RPAP1: variants seen among roughly 807,000 people sequenced by gnomAD.
The protein encoded by RPAP1 is RNA polymerase II associated protein 1.
In RPAP1, 109 loss-of-function variants were observed where a neutral mutation model predicts 142.4. The observed-to-expected ratio is 0.77, with a 90% CI of 0.66 to 0.90. The LOEUF (loss-of-function observed/expected upper bound fraction) is 0.90. Ranked by LOEUF, RPAP1 falls within the 40% of genes least tolerant of loss-of-function variation. RPAP1 has a pLI of 0.00. For missense variants in RPAP1, 1,546 were observed against 1,751.7 expected, an observed-to-expected ratio of 0.88 and a Z score of 2.10; for synonymous variants, 704 against 738.9, an observed-to-expected ratio of 0.95 and a Z score of 0.77.
In RPAP1 at chr15:41,522,841, G is replaced by A; in HGVS notation, c.2666C>T (p.Ser889Leu). The A allele has an allele frequency of 6.3e-7, 1 of 1,587,384 alleles. No homozygotes were observed. The highest frequency in any genetic ancestry group is 8.5e-7 in the Non-Finnish European group (1 of 1,171,600). ...GAGGGCAGTGAGGAATGGGAAGGGT[G>A]AGGCTGAGCCAGCCAGACTGAGACG... ...CPRLSLAGSA[S>L]PFPFLTALLS... Residue 889 changes from serine to leucine, a missense_variant, in exon 19 of 25, where the codon TCA becomes TTA. Coordinates refer to ENST00000304330, the MANE Select transcript of RPAP1 (RefSeq NM_015540.4).
Position 41,520,919 on chromosome 15 carries a change from C to CAGT in RPAP1, c.3264_3266dup (p.Leu1089dup). ...GCAGCAGCGGCTCCGTAGGCATGGGCAGTAGCAGGGTTGGGACTCGCTGTA... is the reference window on the plus strand; with the variant it reads ...GCAGCAGCGGCTCCGTAGGCATGGGCAGTAGTAGCAGGGTTGGGACTCGCTGTA... On this transcript the variant is annotated inframe_insertion, in exon 22 of 25. Transcript: ENST00000304330. 1 of 1,613,236 alleles carries CAGT rather than the reference C, an allele frequency of 6.2e-7. No homozygotes were observed. Among genetic ancestry groups the CAGT allele is most frequent in the Non-Finnish European group, 8.5e-7 (1 of 1,179,764 alleles).
chr15:41,541,822 G>A (rs1189721505), intron 1 of RPAP1, among the ~76,000 whole-genome samples: 1 of 152,176 alleles, frequency 6.6e-6, no homozygotes, highest in East Asian at 1.9e-4. Flanking sequence ...ACTCCAGCCT[G>A]GGGGACAGAG....
In RPAP1 at chr15:41,527,618, C is replaced by T. The variant is rs1024279047; in HGVS notation, c.1429-13G>A. On this transcript the variant is annotated splice_polypyrimidine_tract_variant and intron_variant, in intron 11 of 24. Transcript: ENST00000304330. ...TGTCGAGGAGCTCCTGCCAGAGGAA[C>T]GGGAGTTGGGGGGCAATGCTGAAGG... 5.0e-5 allele frequency: 80 copies of T among 1,605,840 alleles called. No individual in the cohort carries two copies. Among genetic ancestry groups the T allele is most frequent in the African/African-American group, 6.7e-5 (5 of 74,442 alleles).
Position 41,536,128 on chromosome 15 carries a change from C to A in RPAP1, c.420+1G>T, listed in dbSNP as rs755151084. 1.2e-6 allele frequency: 2 copies of A among 1,613,508 alleles called. No homozygotes were observed. Among genetic ancestry groups the A allele is most frequent in the South Asian group, 2.2e-5 (2 of 91,062 alleles). The stretch of plus-strand genomic sequence containing the variant: ...CACCACCTAAGCTTACCCTTGCCTA[C>A]CTGTGTGTCCCGCGAGCGAAGGAAC... On this transcript the variant is annotated splice_donor_variant, in intron 4 of 24. Coordinates refer to ENST00000304330, the MANE Select transcript of RPAP1 (RefSeq NM_015540.4). LOFTEE classifies it high-confidence loss of function.
chr15:41,522,848 A>G lies in RPAP1; in HGVS notation c.2659T>C (p.Ser887Pro). Residue 887 changes from serine to proline, a missense_variant, in exon 19 of 25, where the codon TCA becomes CCA. By Grantham distance (74) the Ser-to-Pro change is moderately conservative (BLOSUM62 -1). Transcript: ENST00000304330. ...GTGAGGAATGGGAAGGGTGAGGCTG[A>G]GCCAGCCAGACTGAGACGGGGGCAG... The part of the protein sequence containing the change: ...GGCPRLSLAG[S>P]ASPFPFLTAL... 1.3e-6 allele frequency: 2 copies of G among 1,584,596 alleles called. No individual in the cohort carries two copies. The highest frequency in any genetic ancestry group is 1.4e-5 in the African/African-American group (1 of 72,828).
Position 41,522,167 on chromosome 15 carries a change from A to T in RPAP1, c.2826T>A (p.Pro942=). Residue 942 remains proline, a synonymous_variant, in exon 20 of 25, where the codon CCT becomes CCA. Transcript: ENST00000304330. ...CATGGCGCAGGGCCCATGCAGAGAAAGGTGTGAGGTGTGGGGCAGCCCCAG... is the reference window on the plus strand; with the variant it reads ...CATGGCGCAGGGCCCATGCAGAGAATGGTGTGAGGTGTGGGGCAGCCCCAG... ...VAPGAAPHLT[P]FSAWALRHEY... 1 of 1,614,030 alleles carries T rather than the reference A, an allele frequency of 6.2e-7. No homozygotes were observed. Among genetic ancestry groups the T allele is most frequent in the Non-Finnish European group, 8.5e-7 (1 of 1,180,000 alleles).
intron 1 of RPAP1, among the ~76,000 whole-genome samples, chr15:41,538,640 A>T (rs1484410385): frequency 6.6e-6 from 1 of 152,162 alleles, no homozygotes; most frequent in Non-Finnish European, 1.5e-5. Flanking sequence ...TAAACTTGTG[A>T]TTTGTTATAA....
chr15:41,531,004 AC>A lies in RPAP1; in HGVS notation c.943+18del. 2 of 1,593,256 alleles carry A rather than the reference AC, an allele frequency of 1.3e-6. No individual in the cohort carries two copies. The highest frequency in any genetic ancestry group is 2.3e-5 in the East Asian group (1 of 44,342). On this transcript the variant is annotated intron_variant, in intron 7 of 24. Coordinates refer to ENST00000304330, the MANE Select transcript of RPAP1 (RefSeq NM_015540.4). ...CCCTACTTTTATCCACCAAAATATG[AC>A]CCCCGCCTCCTGCAAACCTGGGGCT...
chr15:41,536,305 T>C lies in RPAP1; in HGVS notation c.331-87A>G, dbSNP rs1806750120. On this transcript the variant is annotated intron_variant, in intron 3 of 24. Transcript: ENST00000304330. The stretch of plus-strand genomic sequence containing the variant: ...ATCCTATTAGCCCAGTTCTGAACGA[T>C]GAGAACCTCACTCTGGGGGGTTACG... The C allele has an allele frequency of 1.3e-5, 18 of 1,393,406 alleles. 1 individual carries two copies. The South Asian group carries it at 1.3e-4, about 10-fold the overall frequency. 86.3% of individuals were successfully genotyped at this position (1,393,406 alleles called of 1,614,324 possible).
intron 1 of RPAP1, among the ~76,000 whole-genome samples, chr15:41,538,661 A>G (rs1204388441): frequency 6.6e-6 from 1 of 152,238 alleles, no homozygotes; most frequent in Non-Finnish European, 1.5e-5. Flanking sequence ...TGTTAGATTT[A>G]CAGATTTATA....
At position 41,527,272 on chromosome 15, in the gene RPAP1, C is replaced by T. The variant is rs2051802358; in HGVS notation, c.1641G>A (p.Arg547=). 6.2e-7 allele frequency: 1 copy of T among 1,614,100 alleles called. No individual in the cohort carries two copies. Among genetic ancestry groups the T allele is most frequent in the African/African-American group, 1.3e-5 (1 of 74,936 alleles). The change falls in exon 13 of 25, where the codon CGG becomes CGA. Residue 547 remains arginine, a synonymous_variant. Transcript: ENST00000304330. Reference sequence around the variant, plus strand: ...ATGTCACCTCCAGCACGTAGCGCAGCCGAGGCAGCAGGCTGGTAGCCAGGA... The same window carrying T: ...ATGTCACCTCCAGCACGTAGCGCAGTCGAGGCAGCAGGCTGGTAGCCAGGA... ...KGLLATSLLP[R]LRYVLEVTYP...
intron 14 of RPAP1, among the ~76,000 whole-genome samples, chr15:41,525,632 CA>C (rs1418334525): frequency 2.0e-5 from 3 of 150,730 alleles, no homozygotes; most frequent in African/African-American, 2.4e-5. Context: ...CCACCGCACC[CA>C]GCCCCTATTA....
chr15:41,523,302 T>G lies in RPAP1; in HGVS notation c.2489A>C (p.Glu830Ala), dbSNP rs759346483. ...WLQDMQRLSE[E>A]LLLPLLSQPT... The stretch of plus-strand genomic sequence containing the variant: ...CTGACTCAGCAGTGGCAGCAGCAGC[T>G]CCTCTGACAGGCGCTGCATGTCCTG... The change falls in exon 18 of 25, where the codon GAG becomes GCG. Residue 830 changes from glutamate to alanine, a missense_variant. Physicochemically the swap from Glu to Ala is moderately radical, Grantham distance 107. Coordinates refer to ENST00000304330, the MANE Select transcript of RPAP1 (RefSeq NM_015540.4). The G allele has an allele frequency of 4.3e-6, 7 of 1,612,522 alleles. No individual in the cohort carries two copies. In the Admixed American group the frequency reaches 1.2e-4, roughly 27 times the overall value.
intron 1 of RPAP1, among the ~76,000 whole-genome samples, chr15:41,542,054 G>A (rs549091903): frequency 6.6e-6 from 1 of 152,248 alleles, no homozygotes; most frequent in African/African-American, 2.4e-5. Flanking sequence ...TTTACTCTGG[G>A]CTGAGCGGTG....
chr15:41,534,891 G>A lies in RPAP1; in HGVS notation c.586C>T (p.Gln196Ter), dbSNP rs775817842. 1 of 1,614,224 alleles carries A rather than the reference G, an allele frequency of 6.2e-7. No homozygotes were observed. The highest frequency in any genetic ancestry group is 1.1e-5 in the South Asian group (1 of 91,086). ...ETPTPRNQGC[Q>*]LPGSSHSFQG... ...AAGCTGTGGCTGCTCCCAGGAAGCT[G>A]GCAGCCCTGGTTCCTAGGAGTGGGT... Residue 196 changes from glutamine to a stop codon, truncating the protein, a stop_gained, in exon 6 of 25, where the codon CAG becomes TAG. Coordinates refer to ENST00000304330, the MANE Select transcript of RPAP1 (RefSeq NM_015540.4). LOFTEE classifies it high-confidence loss of function.
At position 41,521,887 on chromosome 15, in the gene RPAP1, A is replaced by G; in HGVS notation, c.2896-7T>C. The G allele has an allele frequency of 6.2e-6, 10 of 1,613,404 alleles. No individual in the cohort carries two copies. Among genetic ancestry groups the G allele is most frequent in the Non-Finnish European group, 8.5e-6 (10 of 1,179,686 alleles). On this transcript the variant is annotated splice_region_variant and splice_polypyrimidine_tract_variant and intron_variant, in intron 20 of 24. Coordinates refer to ENST00000304330, the MANE Select transcript of RPAP1 (RefSeq NM_015540.4). ...GCAGTGGCTGCAGCGCTGCCTGCAG[A>G]CAGAAAAGCAGGGAACTACCTAGTA...
At chr15:41,529,653 C>A in intron 8 of RPAP1, 85 bp from the exon 9 acceptor site, 1 of 1,062,904 alleles carries the variant, frequency 9.4e-7, no homozygotes, top group Non-Finnish European at 1.4e-6. Flanking sequence ...CCAGGCCTTT[C>A]AGGACTTAGG....
chr15:41,525,936 G>A (rs1738925296), intron 14 of RPAP1, among the ~76,000 whole-genome samples: 3 of 151,318 alleles, frequency 2.0e-5, no homozygotes, highest in Admixed American at 2.0e-4. Flanking sequence ...TTACAGGTGT[G>A]AGCCACCGCG....
intron 1 of RPAP1, among the ~76,000 whole-genome samples, chr15:41,541,040 A>G (rs1162128149): frequency 2.6e-5 from 4 of 152,054 alleles, no homozygotes; most frequent in Non-Finnish European, 5.9e-5. Context: ...CCTCAGAAAA[A>G]AATCACCCCC....
Sources: allele counts gnomAD v4.1 joint callset (sites outside exome capture counted in the v4.1 genomes callset), GRCh38; gene constraint gnomAD v4.1.1; transcripts MANE v1.5; gene names NCBI Gene and HGNC (gene_info 2026-07-23, HGNC 2026-07-21).